DDAH1: variants seen among roughly 807,000 people sequenced by gnomAD.
DDAH1 encodes N(G),N(G)-dimethylarginine dimethylaminohydrolase 1.
In DDAH1, 19 loss-of-function variants were observed where a neutral mutation model predicts 28.8. That is an observed-to-expected ratio of 0.66 (90% CI 0.46 to 0.97). The LOEUF is 0.97. DDAH1 is among the 50% of genes least tolerant of loss of function. The pLI, the probability that DDAH1 is intolerant of heterozygous loss-of-function variation, is 0.00. For missense variants in DDAH1, 326 were observed against 375.9 expected, an observed-to-expected ratio of 0.87 and a Z score of 1.10; for synonymous variants, 153 against 154.4, an observed-to-expected ratio of 0.99 and a Z score of 0.07.
rs1159410882 is a variant in DDAH1 at position 85,464,696 on chromosome 1, G to T, written c.303+47C>A. The stretch of plus-strand genomic sequence containing the variant: ...GGCAACACGGCGGCCGGCGGCGGGG[G>T]AGGGCCTGGCGCGCGCCCCGGCCGC... On this transcript the variant is annotated intron_variant, in intron 1 of 5. Transcript: ENST00000284031. The surrounding 1 kb of genome is among the most constrained non-coding windows in gnomAD (Gnocchi z 4.4). 1 of 1,433,732 alleles carries T rather than the reference G, an allele frequency of 7.0e-7. No individual in the cohort carries two copies. Among genetic ancestry groups the T allele is most frequent in the Non-Finnish European group, 9.1e-7 (1 of 1,100,260 alleles). 88.8% of individuals were successfully genotyped at this position (1,433,732 alleles called of 1,614,324 possible).
intron 1 of DDAH1, chr1:85,399,095 TA>T (rs1393696595): frequency 2.0e-5 from 3 of 152,242 alleles, no homozygotes; most frequent in Non-Finnish European, 4.4e-5. Flanking sequence ...CCCATAGATA[TA>T]ATGAGTATCC....
At chr1:85,562,400 A>G (rs1659166608) in intron 1 of DDAH1, among the ~76,000 whole-genome samples, 4 of 152,210 alleles carry the variant, frequency 2.6e-5, no homozygotes, top group Admixed American at 2.0e-4. Context: ...CAAAAAGAAG[A>G]ATAAAAGTTT....
chr1:85,340,341 G>A (rs555405603), intron 4 of DDAH1, among the ~76,000 whole-genome samples: 2 of 152,288 alleles, frequency 1.3e-5, no homozygotes, highest in African/African-American at 4.8e-5. Flanking sequence ...TGTGGATGAG[G>A]AATGCTGAAT....
At chr1:85,360,196 G>A (rs1049723133) in intron 1 of DDAH1, among the ~76,000 whole-genome samples, 4 of 152,110 alleles carry the variant, frequency 2.6e-5, no homozygotes, top group African/African-American at 9.7e-5. Flanking sequence ...TGACATTCAT[G>A]CATTCAAAAA....
rs1191985832 is a variant in DDAH1, at chr1:85,464,634, G to A, written c.303+109C>T. The A allele has an allele frequency of 6.6e-7, 1 of 1,510,196 alleles. No individual in the cohort carries two copies. Among genetic ancestry groups the A allele is most frequent in the Non-Finnish European group, 8.8e-7 (1 of 1,132,074 alleles). The allele number at this position is 1,510,196 out of a possible 1,614,324, so 93.5% of individuals were successfully genotyped here. On this transcript the variant is annotated intron_variant, in intron 1 of 5. Transcript: ENST00000284031. This position sits in a 1 kb window ranked among gnomAD's most constrained non-coding sequence, Gnocchi z 4.4. ...CACTCGCCCCCCGACGGGAAGTTGT[G>A]AACTACTAGCCCGAGGGCCAATGGC...
chr1:85,560,960 A>T (rs897163171), intron 1 of DDAH1, among the ~76,000 whole-genome samples: 2 of 152,114 alleles, frequency 1.3e-5, no homozygotes, highest in Non-Finnish European at 2.9e-5. Flanking sequence ...TTAAAAATGT[A>T]TGTTCTTTGT....
At chr1:85,545,767 G>T (rs1436496861) in intron 1 of DDAH1, among the ~76,000 whole-genome samples, 1 of 152,144 alleles carries the variant, frequency 6.6e-6, no homozygotes, top group Non-Finnish European at 1.5e-5. Flanking sequence ...TGGAGAAGGT[G>T]GGAGGAGGAG....
intron 1 of DDAH1, among the ~76,000 whole-genome samples, chr1:85,514,632 T>G (rs530651931): frequency 1.9e-4 from 28 of 149,550 alleles, no homozygotes; most frequent in Middle Eastern, 6.8e-3. Flanking sequence ...GGCAAATTAG[T>G]TTTTTTTTCC....
At chr1:85,569,163 A>G (rs1453891279) in intron 1 of DDAH1, among the ~76,000 whole-genome samples, 1 of 152,258 alleles carries the variant, frequency 6.6e-6, no homozygotes, top group Non-Finnish European at 1.5e-5. Flanking sequence ...AAACCAAAGA[A>G]CAGAGGCTTA....
At chr1:85,381,553 G>C (rs368542528) in intron 1 of DDAH1, among the ~76,000 whole-genome samples, 6 of 150,560 alleles carry the variant, frequency 4.0e-5, no homozygotes. Flanking sequence ...CTTTACGCCT[G>C]CATTGTTTCT....
At chr1:85,338,162 A>T (rs991768649) in intron 4 of DDAH1, among the ~76,000 whole-genome samples, 1 of 152,212 alleles carries the variant, frequency 6.6e-6, no homozygotes, top group African/African-American at 2.4e-5. Flanking sequence ...ACTTTTCTCT[A>T]TGTCTGAGGG....
At chr1:85,567,530 C>A (rs914062074) in intron 1 of DDAH1, among the ~76,000 whole-genome samples, 1 of 152,182 alleles carries the variant, frequency 6.6e-6, no homozygotes, top group Non-Finnish European at 1.5e-5. Flanking sequence ...GCCTCTTTAG[C>A]CATGTGGGAC....
At chr1:85,572,423 G>C (rs982330825) in intron 1 of DDAH1, among the ~76,000 whole-genome samples, 3 of 152,128 alleles carry the variant, frequency 2.0e-5, no homozygotes, top group African/African-American at 4.8e-5. Flanking sequence ...TCCCCGAAAG[G>C]AATGGTCTTT....
At chr1:85,519,765 G>A (rs1657608102) in intron 1 of DDAH1, among the ~76,000 whole-genome samples, 2 of 151,750 alleles carry the variant, frequency 1.3e-5, no homozygotes, top group Admixed American at 6.6e-5. Context: ...ATATTACTTG[G>A]GTAAAATTTT....
chr1:85,365,075 T>C (rs1313974981), intron 1 of DDAH1, among the ~76,000 whole-genome samples: 1 of 152,222 alleles, frequency 6.6e-6, no homozygotes, highest in East Asian at 1.9e-4. Flanking sequence ...GAACTCATAT[T>C]AACCTTATTT....
At chr1:85,517,825 G>A (rs1255095758) in intron 1 of DDAH1, among the ~76,000 whole-genome samples, 3 of 152,100 alleles carry the variant, frequency 2.0e-5, no homozygotes, top group Non-Finnish European at 2.9e-5. Context: ...ACATCCTGAT[G>A]AGACCCTTCA....
At chr1:85,558,991 T>A (rs1319561760) in intron 1 of DDAH1, among the ~76,000 whole-genome samples, 1 of 152,228 alleles carries the variant, frequency 6.6e-6, no homozygotes, top group Non-Finnish European at 1.5e-5. Flanking sequence ...AAGGTTATTA[T>A]GAAGCAGGCA....
chr1:85,363,279 T>C (rs879360359), intron 1 of DDAH1, among the ~76,000 whole-genome samples: 18 of 152,204 alleles, frequency 1.2e-4, no homozygotes, highest in Non-Finnish European at 5.9e-5. Flanking sequence ...CAGCTGTTTC[T>C]GCTGCTAGAT....
In DDAH1 at chr1:85,409,398, T is replaced by C. The variant is rs961546051; in HGVS notation, c.304-50551A>G. ...TCACTGCCCAAATGAAACACCTTCATTATTTTCCCTTAAATGACAATACAG... is the reference window on the plus strand; with the variant it reads ...TCACTGCCCAAATGAAACACCTTCACTATTTTCCCTTAAATGACAATACAG... On this transcript the variant is annotated intron_variant, in intron 1 of 5. Transcript: ENST00000284031. Among the ~76,000 whole-genome samples the C allele has an allele frequency of 5.3e-5, 8 of 152,212 alleles. No individual in the cohort carries two copies. In the South Asian group the frequency reaches 1.2e-3, roughly 24 times the overall value.
Sources: gnomAD v4.1 joint callset for allele counts (sites outside exome capture counted in the v4.1 genomes callset) on GRCh38, gnomAD v4.1.1 for gene constraint, Gnocchi (gnomAD v3.1) non-coding constraint, MANE v1.5 for transcripts, NCBI Gene and HGNC (gene_info 2026-07-23, HGNC 2026-07-21) for gene names.